Variants in SYTL4 observed in about 807,000 individuals in gnomAD.
The protein encoded by SYTL4 is synaptotagmin-like protein 4.
Under a neutral mutation model 52.7 loss-of-function variants are expected in SYTL4, and 16 were observed. The ratio of observed to expected loss-of-function variants is 0.30; its 90% confidence interval spans 0.21 to 0.46. The LOEUF (loss-of-function observed/expected upper bound fraction) is 0.46. Ranked by LOEUF, SYTL4 falls within the 20% of genes least tolerant of loss-of-function variation. The probability of loss-of-function intolerance (pLI) is 1.00; values close to 1 mark genes in which losing one functional copy is unlikely to be tolerated. For missense variants in SYTL4, 423 were observed against 519.9 expected (o/e 0.81, Z 1.81); for synonymous variants, 160 against 186.6 (o/e 0.86, Z 1.16).
At chrX:100,716,591 A>C (rs1317778508) in intron 2 of SYTL4, among the ~76,000 whole-genome samples, 1 of 107,474 alleles carries the variant, frequency 9.3e-6, no homozygotes, top group Non-Finnish European at 1.9e-5. Flanking sequence ...TAGAAAAGAA[A>C]GCTTCCAGGG....
chrX:100,720,388 T>G (rs2084316634), intron 2 of SYTL4, among the ~76,000 whole-genome samples: 1 of 112,495 alleles, frequency 8.9e-6, no homozygotes, highest in African/African-American at 3.2e-5. Flanking sequence ...TTAAGTCCAG[T>G]GAGAGCTGAC....
At chrX:100,714,902 T>G (rs2084168457) in intron 2 of SYTL4, among the ~76,000 whole-genome samples, 1 of 112,508 alleles carries the variant, frequency 8.9e-6, no homozygotes, top group Non-Finnish European at 1.9e-5. Context: ...TTTGTTTAAA[T>G]GAAGCACATT....
intron 8 of SYTL4, among the ~76,000 whole-genome samples, chrX:100,695,335 G>T (rs2083684007): frequency 9.0e-6 from 1 of 111,545 alleles, no homozygotes; most frequent in Non-Finnish European, 1.9e-5. Context: ...TCATGGGAAA[G>T]ATCATTTATG....
intron 12 of SYTL4, 51 bp downstream of exon 12, chrX:100,689,805 C>T: frequency 1.1e-6 from 1 of 889,186 alleles, no homozygotes; most frequent in Non-Finnish European, 1.6e-6. Flanking sequence ...AAGCCAACTC[C>T]AGATAAGTAA....
At position 100,685,978 on chromosome X, in the gene SYTL4, A is replaced by C. The variant is rs1338795979; in HGVS notation, c.1449+12T>G. ...TCAGATCCAAACTGCAGGAGTTGTT[A>C]AAGCAGACTACCTTTCCATGTAAAG... is the stretch of plus-strand genomic sequence containing the variant. On this transcript the variant is annotated intron_variant, in intron 16 of 19. Coordinates refer to ENST00000372989, the MANE Select transcript of SYTL4 (RefSeq NM_001370165.1). 2.1e-5 allele frequency: 25 copies of C among 1,187,673 alleles called. No homozygotes were observed. Among genetic ancestry groups the C allele is most frequent in the Non-Finnish European group, 2.8e-5 (25 of 883,531 alleles).
rs112712763 is a variant in SYTL4, at chrX:100,677,094, A to G, written c.1868-918T>C. On this transcript the variant is annotated intron_variant, in intron 19 of 19. Coordinates refer to ENST00000372989, the MANE Select transcript of SYTL4 (RefSeq NM_001370165.1). ...ATGATGTAAATAAACAGGGTGATGTATAGTGACTGACTCAGGAACTACTGT... is the reference window on the plus strand; with the variant it reads ...ATGATGTAAATAAACAGGGTGATGTGTAGTGACTGACTCAGGAACTACTGT... Among the ~76,000 whole-genome samples, 528 of 112,281 alleles carry G rather than the reference A, an allele frequency of 4.7e-3. 4 individuals are homozygous for G. Among genetic ancestry groups the G allele is most frequent in the Middle Eastern group, 0.023 (5 of 218 alleles).
chrX:100,714,067 T>C (rs1036930545), intron 2 of SYTL4, among the ~76,000 whole-genome samples: 1 of 111,103 alleles, frequency 9.0e-6, no homozygotes, highest in Non-Finnish European at 1.9e-5. Flanking sequence ...CATGGATATA[T>C]ACAGATGTCA....
chrX:100,717,857 T>C (rs1035455012), intron 2 of SYTL4, among the ~76,000 whole-genome samples: 1 of 112,219 alleles, frequency 8.9e-6, no homozygotes, highest in African/African-American at 3.2e-5. Flanking sequence ...CCTCTTATAC[T>C]AGGACTTGGA....
intron 2 of SYTL4, among the ~76,000 whole-genome samples, chrX:100,723,264 C>T (rs1048284109): frequency 9.8e-5 from 11 of 111,815 alleles, no homozygotes; most frequent in African/African-American, 3.2e-4. Context: ...CGATCGCAGG[C>T]GCGCGCCGCC....
intron 2 of SYTL4, among the ~76,000 whole-genome samples, chrX:100,706,856 A>G (rs1239836679): frequency 9.0e-6 from 1 of 111,678 alleles, no homozygotes; most frequent in Non-Finnish European, 1.9e-5. Context: ...AGCTATATTA[A>G]TATCTAAAAG....
chrX:100,682,665 C>A (rs961958550), intron 16 of SYTL4, among the ~76,000 whole-genome samples: 1 of 110,801 alleles, frequency 9.0e-6, no homozygotes, highest in Non-Finnish European at 1.9e-5. Context: ...CAAGATCGCA[C>A]CACCGCACTC....
chrX:100,717,160 C>A (rs555107111), intron 2 of SYTL4, among the ~76,000 whole-genome samples: 1 of 111,701 alleles, frequency 9.0e-6, no homozygotes, highest in Admixed American at 9.6e-5. Context: ...CAACTATGTG[C>A]TAAGCGGTAC....
In SYTL4 at chrX:100,674,646, A is replaced by T. The variant is rs1438763312; in HGVS notation, c.*1382T>A. 1.8e-5 allele frequency: 2 copies of T among 112,101 alleles called. No homozygotes were observed. The highest frequency in any genetic ancestry group is 4.6e-3 in the Middle Eastern group (1 of 218). The allele number at this position is 112,101 out of a possible 1,213,427, so 9.2% of individuals were successfully genotyped here. ...TTGAAAACATTCCTCCATTCGGTTC[A>T]TACATACAGTAGAAACCACTGTGGC... On this transcript the variant is annotated 3_prime_UTR_variant, in exon 20 of 20. Transcript: ENST00000372989.
intron 19 of SYTL4, among the ~76,000 whole-genome samples, chrX:100,676,536 G>A (rs750396977): frequency 1.8e-5 from 2 of 111,963 alleles, no homozygotes; most frequent in South Asian, 7.5e-4. Context: ...CCAGGCTGGA[G>A]TGCAGTGGCA....
chrX:100,723,946 G>GC (rs2084420126), intron 2 of SYTL4, among the ~76,000 whole-genome samples: 1 of 97,062 alleles, frequency 1.0e-5, no homozygotes, highest in Admixed American at 1.0e-4. Flanking sequence ...CAGGCCAGCC[G>GC]CCCCGTCAGG....
Position 100,675,345 on chromosome X carries a change from T to C in SYTL4, c.*683A>G, listed in dbSNP as rs1193989116. ...AAGTGCTTTTCAAAAGCAGCTCCAT[T>C]ATAAGAGTCCCCCAAAGGTCTAGTA... On this transcript the variant is annotated 3_prime_UTR_variant, in exon 20 of 20. Transcript: ENST00000372989. The C allele has an allele frequency of 8.9e-6, 1 of 112,477 alleles. No homozygotes were observed. The highest frequency in any genetic ancestry group is 1.9e-5 in the Non-Finnish European group (1 of 53,301). 9.3% of individuals were successfully genotyped at this position (112,477 alleles called of 1,213,427 possible). A position where few individuals can be genotyped will look rare whatever the true frequency, so the allele number is the denominator to read the frequency against.
At chrX:100,682,978 ATGTC>A (rs1470885924) in intron 16 of SYTL4, among the ~76,000 whole-genome samples, 1 of 109,939 alleles carries the variant, frequency 9.1e-6, no homozygotes, top group East Asian at 2.9e-4. Flanking sequence ...GAACGAATGA[ATGTC>A]TGAGATGAGC....
At position 100,686,717 on chromosome X, in the gene SYTL4, G is replaced by A. The variant is rs758559503; in HGVS notation, c.1249C>T (p.Arg417Trp). 53 of 1,208,369 alleles carry A rather than the reference G, an allele frequency of 4.4e-5. No homozygotes were observed. The highest frequency in any genetic ancestry group is 5.7e-5 in the Non-Finnish European group (51 of 894,086). ...RQGKRKTSIK[R>W]DTINPLYDET... ...TCATATAGTGGATTAATAGTGTCCC[G>A]CTTGATGCTGGTTTTTCTTTTTCCT... The change falls in exon 15 of 20, where the codon CGG becomes TGG. Residue 417 changes from arginine (R) to tryptophan (W), a missense_variant. Coordinates refer to ENST00000372989, the MANE Select transcript of SYTL4 (RefSeq NM_001370165.1).
At chrX:100,692,048 TC>T (rs377118092) in intron 8 of SYTL4, among the ~76,000 whole-genome samples, 5 of 111,496 alleles carry the variant, frequency 4.5e-5, no homozygotes, top group Non-Finnish European at 9.4e-5. Context: ...CCATCTTCCC[TC>T]TTTTATCTGC....
Sources: allele counts gnomAD v4.1 joint callset (sites outside exome capture counted in the v4.1 genomes callset), GRCh38; gene constraint gnomAD v4.1.1; transcripts MANE v1.5; gene names NCBI Gene and HGNC (gene_info 2026-07-23, HGNC 2026-07-21).